MAP2: variants seen among roughly 807,000 people sequenced by gnomAD.
MAP2 encodes microtubule-associated protein 2.
A neutral mutation model predicts 137.6 loss-of-function variants in MAP2; 14 were observed. That is an observed-to-expected ratio of 0.10 (90% confidence interval 0.07 to 0.16). The LOEUF (loss-of-function observed/expected upper bound fraction) is 0.16, where lower values mean the gene tolerates loss of function less well. Ranked by LOEUF, MAP2 falls within the 10% of genes least tolerant of loss-of-function variation. MAP2 has a pLI of 1.00. For synonymous variants in MAP2, 786 were observed against 782.3 expected (o/e 1.00, Z -0.08); for missense variants, 2,088 against 2,191.5 (o/e 0.95, Z 0.94).
intron 2 of MAP2, among the ~76,000 whole-genome samples, chr2:209,511,316 A>C (rs983146200): frequency 1.3e-5 from 2 of 152,078 alleles, no homozygotes; most frequent in African/African-American, 4.8e-5. Flanking sequence ...TACTTAGCAT[A>C]TATATTCCAT....
chr2:209,677,471 T>C (rs1332345823), intron 5 of MAP2, among the ~76,000 whole-genome samples: 1 of 151,978 alleles, frequency 6.6e-6, no homozygotes, highest in Admixed American at 6.6e-5. Context: ...GGCTCATCAC[T>C]TGTTGCATAG....
chr2:209,473,310 T>A (rs1706273295), intron 1 of MAP2, among the ~76,000 whole-genome samples: 1 of 152,162 alleles, frequency 6.6e-6, no homozygotes, highest in African/African-American at 2.4e-5. Flanking sequence ...GCCTTTCTAC[T>A]CAGTGACTTT....
intron 2 of MAP2, among the ~76,000 whole-genome samples, chr2:209,557,443 A>G (rs1490031109): frequency 6.6e-6 from 1 of 152,190 alleles, no homozygotes; most frequent in Admixed American, 6.5e-5. Context: ...TTAAGCTGCT[A>G]CATTCCAACT....
intron 5 of MAP2, among the ~76,000 whole-genome samples, chr2:209,667,439 A>C (rs763364970): frequency 1.3e-5 from 2 of 152,022 alleles, no homozygotes; most frequent in Non-Finnish European, 2.9e-5. Context: ...GGGAAAGGAA[A>C]GGAATCTGAG....
chr2:209,548,352 C>T (rs1021102870), intron 2 of MAP2, among the ~76,000 whole-genome samples: 1 of 152,164 alleles, frequency 6.6e-6, no homozygotes, highest in African/African-American at 2.4e-5. Flanking sequence ...AGATGACAGC[C>T]TGCCTAGAAG....
At chr2:209,690,700 G>A in intron 7 of MAP2, 1 of 1,289,794 alleles carries the variant, frequency 7.8e-7, no homozygotes, top group South Asian at 1.2e-5. Context: ...ACCAACCCAA[G>A]GGCCTCAGTA....
rs1335464289 is a variant in MAP2 at position 209,732,526 on chromosome 2, C to T, written c.*2129C>T. On this transcript the variant is annotated 3_prime_UTR_variant, in exon 16 of 16. Transcript: ENST00000682079. Reference sequence around the variant, plus strand: ...TCTGGGCAATTTATTCATCAGCTTCCCTTGAAGTGCACCAGAAAATAGAAG... The same window carrying T: ...TCTGGGCAATTTATTCATCAGCTTCTCTTGAAGTGCACCAGAAAATAGAAG... 1 of 152,064 alleles carries T rather than the reference C, an allele frequency of 6.6e-6. No homozygotes were observed. Among genetic ancestry groups the T allele is most frequent in the African/African-American group, 2.4e-5 (1 of 41,406 alleles). 9.4% of individuals were successfully genotyped at this position (152,064 alleles called of 1,614,324 possible).
chr2:209,693,132 G>A lies in MAP2; in HGVS notation c.962G>A (p.Ser321Asn). Reference protein sequence around the residue: ...SPMPSPFQGGSFTLPLDVMKN... With the variant: ...SPMPSPFQGGNFTLPLDVMKN... ...ATGCCAAGTCCCTTTCAAGGGGGAA[G>A]CTTCACTCTTCCTTTAGATGTCATG... The change falls in exon 8 of 16, where the codon AGC becomes AAC. Residue 321 changes from serine (S) to asparagine (N), a missense_variant. Transcript: ENST00000682079. 6.2e-7 allele frequency: 1 copy of A among 1,611,870 alleles called. No individual in the cohort carries two copies. The highest frequency in any genetic ancestry group is 8.5e-7 in the Non-Finnish European group (1 of 1,179,286).
At chr2:209,524,557 A>G (rs2063746897) in intron 2 of MAP2, among the ~76,000 whole-genome samples, 1 of 152,150 alleles carries the variant, frequency 6.6e-6, no homozygotes, top group South Asian at 2.1e-4. Flanking sequence ...GCAATACACT[A>G]TACAATATAA....
chr2:209,485,941 T>G (rs188551342), intron 1 of MAP2, among the ~76,000 whole-genome samples: 13 of 152,348 alleles, frequency 8.5e-5, no homozygotes, highest in Non-Finnish European at 1.8e-4. Flanking sequence ...CAGCTTCTGC[T>G]TCTTTCTTGT....
At chr2:209,430,982 GC>G (rs148019426) in intron 1 of MAP2, among the ~76,000 whole-genome samples, 4,396 of 152,162 alleles carry the variant, frequency 0.029, 190 homozygotes, top group African/African-American at 0.098. Context: ...GCACTGAGTG[GC>G]CTTTGGTGAA....
chr2:209,498,339 G>A (rs758290678), intron 1 of MAP2, among the ~76,000 whole-genome samples: 10 of 152,202 alleles, frequency 6.6e-5, no homozygotes, highest in Admixed American at 2.0e-4. Flanking sequence ...TTTGCAGGGT[G>A]CATCCTCCCC....
At chr2:209,449,102 G>GCA (rs1699766037) in intron 1 of MAP2, among the ~76,000 whole-genome samples, 1 of 152,094 alleles carries the variant, frequency 6.6e-6, no homozygotes, top group Non-Finnish European at 1.5e-5. Flanking sequence ...TTTTTTCTAG[G>GCA]CATTAGAATA....
At chr2:209,593,448 G>A (rs969987288) in intron 3 of MAP2, among the ~76,000 whole-genome samples, 4 of 147,600 alleles carry the variant, frequency 2.7e-5, no homozygotes, top group East Asian at 4.0e-4. Flanking sequence ...TAACTGTGAA[G>A]GCTGACTAAT....
chr2:209,697,565 A>C (rs552992403), intron 10 of MAP2, among the ~76,000 whole-genome samples: 1 of 152,278 alleles, frequency 6.6e-6, no homozygotes, highest in South Asian at 2.1e-4. Flanking sequence ...TGGTTTGCAA[A>C]ATTACTATTA....
intron 7 of MAP2, among the ~76,000 whole-genome samples, chr2:209,686,103 C>T (rs1416732152): frequency 6.6e-6 from 1 of 152,130 alleles, no homozygotes; most frequent in Non-Finnish European, 1.5e-5. Context: ...ATGTGACAAG[C>T]CAGGGCTATG....
intron 1 of MAP2, among the ~76,000 whole-genome samples, chr2:209,469,589 T>G (rs1165763246): frequency 2.6e-5 from 4 of 152,146 alleles, no homozygotes; most frequent in Non-Finnish European, 5.9e-5. Context: ...CATTCCATCC[T>G]TTATCCTTTC....
chr2:209,523,691 A>C (rs1460577482), intron 2 of MAP2, among the ~76,000 whole-genome samples: 2 of 152,180 alleles, frequency 1.3e-5, no homozygotes, highest in Non-Finnish European at 2.9e-5. Context: ...CATGAGACCT[A>C]TTCAGCTCCA....
chr2:209,448,313 A>T (rs938659730), intron 1 of MAP2, among the ~76,000 whole-genome samples: 2 of 152,138 alleles, frequency 1.3e-5, no homozygotes, highest in African/African-American at 4.8e-5. Flanking sequence ...CCATTTCAGT[A>T]GTTTTTCCCC....
Sources: gnomAD v4.1 joint callset for allele counts (sites outside exome capture counted in the v4.1 genomes callset) on GRCh38, gnomAD v4.1.1 for gene constraint, MANE v1.5 for transcripts, NCBI Gene and HGNC (gene_info 2026-07-23, HGNC 2026-07-21) for gene names.